GRID2: variants seen among roughly 807,000 people sequenced by gnomAD.
GRID2 encodes the protein glutamate receptor ionotropic, delta-2.
In GRID2, 33 loss-of-function variants were observed where a neutral mutation model predicts 114.8. That is an observed-to-expected ratio of 0.29 (90% CI 0.22 to 0.38). GRID2 has a LOEUF of 0.38. Among genes scored for constraint, GRID2 ranks in the 10% least tolerant of loss-of-function variants. The pLI is 1.00. For missense variants in GRID2, 1,184 were observed against 1,257.7 expected, an observed-to-expected ratio of 0.94 and a Z score of 0.89; for synonymous variants, 505 against 449.9, an observed-to-expected ratio of 1.12 and a Z score of -1.55.
rs924215305 is a variant in GRID2 at position 93,403,043 on chromosome 4, A to T, written c.1347+7335A>T. 3.9e-5 allele frequency among the ~76,000 whole-genome samples: 6 copies of T among 152,036 alleles called. No individual in the cohort carries two copies. In the East Asian group the frequency reaches 9.7e-4, roughly 25 times the overall value. On this transcript the variant is annotated intron_variant, in intron 9 of 15. Coordinates refer to ENST00000282020, the MANE Select transcript of GRID2 (RefSeq NM_001510.4). ...GTTGGGAAAGTAAACTTGTCAAGAG[A>T]CTCTACTGGGCAAGCCCTCACAGCA...
At chr4:93,629,302 T>G (rs930368591) in intron 14 of GRID2, among the ~76,000 whole-genome samples, 10 of 152,162 alleles carry the variant, frequency 6.6e-5, no homozygotes, top group African/African-American at 2.4e-4. Context: ...TTAAATTGTT[T>G]CTTTCTGTGG....
At chr4:93,097,263 A>G (rs1731301004) in intron 3 of GRID2, among the ~76,000 whole-genome samples, 1 of 151,974 alleles carries the variant, frequency 6.6e-6, no homozygotes. Context: ...TCTGTTTATT[A>G]TATGTAAATT....
chr4:92,548,209 C>T (rs1726374827), intron 1 of GRID2, among the ~76,000 whole-genome samples: 1 of 151,930 alleles, frequency 6.6e-6, no homozygotes, highest in Non-Finnish European at 1.5e-5. Context: ...GAGTTAGGTG[C>T]ACTACTCGCT....
chr4:93,745,494 G>A (rs1225150362), intron 14 of GRID2, among the ~76,000 whole-genome samples: 1 of 152,072 alleles, frequency 6.6e-6, no homozygotes, highest in Non-Finnish European at 1.5e-5. Context: ...GTGGGGATGA[G>A]GAATCTTTTT....
intron 13 of GRID2, among the ~76,000 whole-genome samples, chr4:93,532,593 A>G (rs1048759727): frequency 6.6e-6 from 1 of 152,172 alleles, no homozygotes; most frequent in African/African-American, 2.4e-5. Flanking sequence ...TTGAATTGTG[A>G]AGCTCAAGAA....
At chr4:93,692,732 A>G (rs1726674838) in intron 14 of GRID2, among the ~76,000 whole-genome samples, 1 of 152,128 alleles carries the variant, frequency 6.6e-6, no homozygotes, top group Non-Finnish European at 1.5e-5. Context: ...TTTCTCCTGT[A>G]TCTAGCACAG....
At chr4:93,109,572 G>C (rs149294231) in intron 3 of GRID2, among the ~76,000 whole-genome samples, 14 of 152,100 alleles carry the variant, frequency 9.2e-5, no homozygotes, top group African/African-American at 2.7e-4. Context: ...TTACCACTGA[G>C]AGGCAAATTT....
chr4:93,458,102 C>G (rs989425519), intron 11 of GRID2, among the ~76,000 whole-genome samples: 2 of 151,994 alleles, frequency 1.3e-5, no homozygotes, highest in African/African-American at 4.8e-5. Context: ...GGACAGAGCT[C>G]TAAGGAAAGG....
chr4:92,639,272 A>C (rs1343542406), intron 2 of GRID2, among the ~76,000 whole-genome samples: 1 of 149,194 alleles, frequency 6.7e-6, no homozygotes, highest in Non-Finnish European at 1.5e-5. Context: ...ATTTCTCTTA[A>C]TATCTTAATT....
intron 8 of GRID2, among the ~76,000 whole-genome samples, chr4:93,342,881 A>G (rs2149248790): frequency 6.6e-6 from 1 of 152,276 alleles, no homozygotes; most frequent in African/African-American, 2.4e-5. Context: ...TTTTTAGAAT[A>G]ATTTATGCAT....
chr4:92,938,905 T>TATGGCTGC (rs1750880916), intron 2 of GRID2, among the ~76,000 whole-genome samples: 1 of 147,142 alleles, frequency 6.8e-6, no homozygotes, highest in African/African-American at 2.4e-5. Flanking sequence ...CATCATTTTT[T>TATGGCTGC]ATGGCTGCAT....
At chr4:93,426,562 A>G (rs1768867842) in intron 10 of GRID2, among the ~76,000 whole-genome samples, 1 of 152,152 alleles carries the variant, frequency 6.6e-6, no homozygotes, top group Non-Finnish European at 1.5e-5. Flanking sequence ...TACACTAGTT[A>G]GTTTAATTTT....
intron 14 of GRID2, among the ~76,000 whole-genome samples, chr4:93,742,664 C>T (rs1266018151): frequency 6.6e-6 from 1 of 152,074 alleles, no homozygotes; most frequent in Non-Finnish European, 1.5e-5. Flanking sequence ...CTTGATGTTA[C>T]TATCATAATT....
chr4:92,611,054 A>G (rs772351435), intron 2 of GRID2, among the ~76,000 whole-genome samples: 3 of 146,836 alleles, frequency 2.0e-5, no homozygotes, highest in Non-Finnish European at 3.0e-5. Context: ...AGCTGTATAT[A>G]TATATGTGTG....
At chr4:93,484,226 T>C (rs1248450606) in intron 11 of GRID2, among the ~76,000 whole-genome samples, 1 of 151,812 alleles carries the variant, frequency 6.6e-6, no homozygotes, top group Non-Finnish European at 1.5e-5. Flanking sequence ...AGATAGAACA[T>C]TACCAGTGAC....
At chr4:93,184,897 A>C (rs1464252242) in intron 4 of GRID2, among the ~76,000 whole-genome samples, 1 of 152,088 alleles carries the variant, frequency 6.6e-6, no homozygotes, top group Non-Finnish European at 1.5e-5. Context: ...AAACACAAAA[A>C]ACAAAATAAC....
At chr4:93,786,236 AG>A (rs1181081875) in intron 1 of GRID2, among the ~76,000 whole-genome samples, 1 of 152,204 alleles carries the variant, frequency 6.6e-6, no homozygotes. Flanking sequence ...GGTGGACTAA[AG>A]CCAGACTGCA....
intron 2 of GRID2, among the ~76,000 whole-genome samples, chr4:92,889,656 A>G (rs1333811682): frequency 6.6e-6 from 1 of 152,222 alleles, no homozygotes; most frequent in Non-Finnish European, 1.5e-5. Context: ...GCTCATGGAT[A>G]AGAAGAATTA....
At chr4:93,432,546 G>C (rs1471959122) in intron 10 of GRID2, among the ~76,000 whole-genome samples, 1 of 152,124 alleles carries the variant, frequency 6.6e-6, no homozygotes, top group Admixed American at 6.6e-5. Context: ...GTTCATGGCA[G>C]AGTGTTAGAG....
Sources: gnomAD v4.1 joint callset for allele counts (sites outside exome capture counted in the v4.1 genomes callset) on GRCh38, gnomAD v4.1.1 for gene constraint, MANE v1.5 for transcripts, NCBI Gene and HGNC (gene_info 2026-07-23, HGNC 2026-07-21) for gene names.